The following FRMD5 variants were observed in gnomAD, a reference collection of about 807,000 sequenced individuals.
The protein encoded by FRMD5 is FERM domain-containing protein 5.
In FRMD5, 20 loss-of-function variants were observed where a neutral mutation model predicts 69.0. The observed-to-expected ratio is 0.29, with a 90% confidence interval of 0.20 to 0.42. The LOEUF (loss-of-function observed/expected upper bound fraction) is 0.42, where lower values mean the gene tolerates loss of function less well. Among genes scored for constraint, FRMD5 ranks in the 10% least tolerant of loss-of-function variants. The pLI is 1.00. For missense variants in FRMD5, 595 were observed against 708.6 expected, an observed-to-expected ratio of 0.84 and a Z score of 1.82; for synonymous variants, 271 against 260.1, an observed-to-expected ratio of 1.04 and a Z score of -0.40.
At chr15:43,885,560 G>C in intron 11 of FRMD5, 121 bp downstream of exon 11, 2 of 775,344 alleles carry the variant, frequency 2.6e-6, no homozygotes, top group South Asian at 3.0e-5. Context: ...GAATTAGATG[G>C]AGACCTCAGA....
At chr15:44,132,593 T>C (rs2077117596) in intron 1 of FRMD5, among the ~76,000 whole-genome samples, 1 of 152,020 alleles carries the variant, frequency 6.6e-6, no homozygotes, top group Non-Finnish European at 1.5e-5. Flanking sequence ...CACACCCAGC[T>C]AATTTTTCTA....
chr15:44,081,261 CT>C (rs2140447535), intron 1 of FRMD5, among the ~76,000 whole-genome samples: 1 of 152,244 alleles, frequency 6.6e-6, no homozygotes, highest in African/African-American at 2.4e-5. Flanking sequence ...TAATTTCCTA[CT>C]GATTAGTTTT....
At chr15:44,091,794 T>G (rs2076477485) in intron 1 of FRMD5, among the ~76,000 whole-genome samples, 1 of 152,208 alleles carries the variant, frequency 6.6e-6, no homozygotes, top group South Asian at 2.1e-4. Context: ...TGGGAATTTT[T>G]TTTTTAACTG....
chr15:44,042,024 T>C (rs1203988162), intron 1 of FRMD5, among the ~76,000 whole-genome samples: 4 of 152,024 alleles, frequency 2.6e-5, no homozygotes, highest in Admixed American at 1.3e-4. Context: ...ACAACATAGA[T>C]AGACTACTAG....
intron 1 of FRMD5, among the ~76,000 whole-genome samples, chr15:43,981,647 C>T (rs1282720152): frequency 6.6e-6 from 1 of 152,214 alleles, no homozygotes; most frequent in African/African-American, 2.4e-5. Context: ...GTGCCCATAT[C>T]ATAGAAGGAT....
chr15:44,123,404 G>T (rs2733203), intron 1 of FRMD5, among the ~76,000 whole-genome samples: 125,247 of 151,806 alleles, frequency 0.83, 54,444 homozygotes, highest in Non-Finnish European at 0.95. Flanking sequence ...GAATATGATA[G>T]ACAAGTTTAT....
At chr15:43,927,112 T>C (rs1466094107) in intron 1 of FRMD5, among the ~76,000 whole-genome samples, 1 of 152,168 alleles carries the variant, frequency 6.6e-6, no homozygotes, top group Non-Finnish European at 1.5e-5. Context: ...CTACGCTCCC[T>C]TTTCTTGAAT....
At chr15:44,028,714 C>A (rs1050479036) in intron 1 of FRMD5, among the ~76,000 whole-genome samples, 6 of 152,152 alleles carry the variant, frequency 3.9e-5, no homozygotes, top group African/African-American at 1.4e-4. Flanking sequence ...GGGTTCTGAG[C>A]AAGCAGCCTA....
chr15:44,135,732 G>A (rs1275205423), intron 1 of FRMD5, among the ~76,000 whole-genome samples: 1 of 151,232 alleles, frequency 6.6e-6, no homozygotes, highest in Non-Finnish European at 1.5e-5. Context: ...GGCTGAGGCA[G>A]GAGAATTGCT....
chr15:43,899,988 G>A lies in FRMD5; in HGVS notation c.639+2187C>T, dbSNP rs138566553. Among the ~76,000 whole-genome samples the A allele has an allele frequency of 9.8e-4, 150 of 152,296 alleles. 2 individuals are homozygous for A. The highest frequency in any genetic ancestry group is 3.4e-3 in the Middle Eastern group (1 of 292). ...CTGTGTCTTTTCAACTCTGCTCAGG[G>A]ACCCGTCTCTGAAGAGGTGGGTGCT... On this transcript the variant is annotated intron_variant, in intron 7 of 13. Transcript: ENST00000417257.
chr15:44,131,831 A>C (rs951352948), intron 1 of FRMD5, among the ~76,000 whole-genome samples: 2 of 152,248 alleles, frequency 1.3e-5, no homozygotes, highest in Non-Finnish European at 2.9e-5. Flanking sequence ...GTGGTCCCCA[A>C]CATTTTTGAC....
chr15:44,028,150 C>T (rs1346913928), intron 1 of FRMD5, among the ~76,000 whole-genome samples: 1 of 152,166 alleles, frequency 6.6e-6, no homozygotes, highest in East Asian at 1.9e-4. Context: ...TGCAGGAAAA[C>T]AGTAGTTTAT....
intron 1 of FRMD5, among the ~76,000 whole-genome samples, chr15:44,160,657 T>C (rs915324592): frequency 5.9e-5 from 9 of 152,238 alleles, no homozygotes; most frequent in Admixed American, 2.6e-4. Flanking sequence ...TTATATATCA[T>C]GATTTATTCA....
chr15:43,870,992 C>A lies in FRMD5; in HGVS notation c.*2893G>T, dbSNP rs1165721122. The A allele has an allele frequency of 6.6e-6, 1 of 152,062 alleles. No individual in the cohort carries two copies. Among genetic ancestry groups the A allele is most frequent in the East Asian group, 1.9e-4 (1 of 5,198 alleles). 9.4% of individuals were successfully genotyped at this position (152,062 alleles called of 1,614,324 possible). ...CTGCTTAAAGATGCAGTATGCTATT[C>A]TTTAGTAAGAGTTTTATTTCCTGAT... On this transcript the variant is annotated 3_prime_UTR_variant, in exon 14 of 14. Coordinates refer to ENST00000417257, the MANE Select transcript of FRMD5 (RefSeq NM_032892.5).
At chr15:44,129,557 A>G (rs1311706003) in intron 1 of FRMD5, among the ~76,000 whole-genome samples, 2 of 152,118 alleles carry the variant, frequency 1.3e-5, no homozygotes, top group African/African-American at 2.4e-5. Context: ...AAGTTAAAGT[A>G]ATCCTTAGAG....
intron 1 of FRMD5, among the ~76,000 whole-genome samples, chr15:44,140,495 A>G (rs2077253449): frequency 6.6e-6 from 1 of 152,178 alleles, no homozygotes; most frequent in Admixed American, 6.5e-5. Context: ...CAGACAATAC[A>G]ATAAAGCAAG....
At chr15:44,170,621 T>G (rs1378400365) in intron 1 of FRMD5, among the ~76,000 whole-genome samples, 1 of 152,140 alleles carries the variant, frequency 6.6e-6, no homozygotes, top group African/African-American at 2.4e-5. Context: ...GTAGTTATGA[T>G]CCTATAGTCA....
intron 1 of FRMD5, among the ~76,000 whole-genome samples, chr15:44,009,628 G>A (rs142317020): frequency 5.3e-5 from 8 of 152,260 alleles, no homozygotes; most frequent in African/African-American, 1.9e-4. Context: ...GCGGTGAGCC[G>A]TGATTGTGCC....
chr15:43,877,860 C>T (rs146953674), intron 13 of FRMD5, among the ~76,000 whole-genome samples: 11 of 152,316 alleles, frequency 7.2e-5, no homozygotes, highest in East Asian at 5.8e-4. Context: ...GAATCCAAGC[C>T]GCTTTCTAGT....
Sources: allele counts gnomAD v4.1 joint callset (sites outside exome capture counted in the v4.1 genomes callset), GRCh38; gene constraint gnomAD v4.1.1; transcripts MANE v1.5; gene names NCBI Gene and HGNC (gene_info 2026-07-23, HGNC 2026-07-21).